Variants in SNCAIP observed in about 807,000 individuals in gnomAD.
SNCAIP encodes the protein synuclein alpha interacting protein.
In SNCAIP, 43 loss-of-function variants were observed where a neutral mutation model predicts 86.7. That is an observed-to-expected ratio of 0.50 (90% CI 0.39 to 0.64). The LOEUF is 0.64. Ranked by LOEUF, SNCAIP falls within the 30% of genes least tolerant of loss-of-function variation. The pLI is 0.00. For synonymous variants in SNCAIP, 417 were observed against 427.2 expected (o/e 0.98, Z 0.29); for missense variants, 981 against 1,103.1 (o/e 0.89, Z 1.57).
At chr5:122,462,035 C>A (rs1429471880) in intron 10 of SNCAIP, among the ~76,000 whole-genome samples, 1 of 152,210 alleles carries the variant, frequency 6.6e-6, no homozygotes, top group Non-Finnish European at 1.5e-5. Context: ...GTATCTTTAT[C>A]TTCCTTTTTA....
At chr5:122,417,002 G>A (rs1461794586) in intron 3 of SNCAIP, among the ~76,000 whole-genome samples, 3 of 152,078 alleles carry the variant, frequency 2.0e-5, no homozygotes, top group Admixed American at 6.6e-5. Flanking sequence ...AAACAGTAGG[G>A]GAACACTACT....
intron 5 of SNCAIP, among the ~76,000 whole-genome samples, chr5:122,430,016 C>G (rs1160101562): frequency 6.6e-6 from 1 of 152,136 alleles, no homozygotes; most frequent in African/African-American, 2.4e-5. Context: ...AGGGAGCCAA[C>G]TCATTCAGAA....
chr5:122,415,635 C>A (rs1775147455), intron 3 of SNCAIP, among the ~76,000 whole-genome samples: 1 of 152,180 alleles, frequency 6.6e-6, no homozygotes, highest in Non-Finnish European at 1.5e-5. Flanking sequence ...TTCTCTCTTA[C>A]CAAGGAGCAG....
At chr5:122,313,491 A>T (rs914157480) in intron 1 of SNCAIP, among the ~76,000 whole-genome samples, 1 of 152,280 alleles carries the variant, frequency 6.6e-6, no homozygotes, top group Non-Finnish European at 1.5e-5. Context: ...TTCGTTGCTG[A>T]ATCTGTAGGA....
chr5:122,343,546 A>G (rs1758003866), intron 1 of SNCAIP, among the ~76,000 whole-genome samples: 1 of 152,200 alleles, frequency 6.6e-6, no homozygotes, highest in African/African-American at 2.4e-5. Context: ...AATGTTTTGT[A>G]AATGAATCAT....
intron 1 of SNCAIP, among the ~76,000 whole-genome samples, chr5:122,381,737 G>A (rs2152817551): frequency 6.6e-6 from 1 of 151,970 alleles, no homozygotes; most frequent in African/African-American, 2.4e-5. Flanking sequence ...GGCAGGCCTG[G>A]TGGTGACAAA....
chr5:122,403,367 G>C (rs533195296), intron 2 of SNCAIP, among the ~76,000 whole-genome samples: 12 of 152,114 alleles, frequency 7.9e-5, no homozygotes, highest in Non-Finnish European at 1.5e-4. Flanking sequence ...TGACTGCCCC[G>C]GATGCTGCAG....
chr5:122,333,652 T>G (rs1755830221), intron 1 of SNCAIP, among the ~76,000 whole-genome samples: 1 of 152,218 alleles, frequency 6.6e-6, no homozygotes. Context: ...AACTACATCT[T>G]ATATTCTGAT....
At chr5:122,401,990 A>G (rs1771919509) in intron 2 of SNCAIP, among the ~76,000 whole-genome samples, 1 of 152,206 alleles carries the variant, frequency 6.6e-6, no homozygotes, top group African/African-American at 2.4e-5. Context: ...GATATATATC[A>G]TTAAGCCCAG....
chr5:122,324,389 C>T (rs1289852880), intron 1 of SNCAIP, among the ~76,000 whole-genome samples: 1 of 152,128 alleles, frequency 6.6e-6, no homozygotes, highest in African/African-American at 2.4e-5. Context: ...TTTTACTTGC[C>T]CTGTGGATAA....
chr5:122,415,850 A>G (rs970299922), intron 3 of SNCAIP, among the ~76,000 whole-genome samples: 1 of 152,222 alleles, frequency 6.6e-6, no homozygotes, highest in Non-Finnish European at 1.5e-5. Context: ...AGGGAGGGAA[A>G]GAAGGAAAGG....
intron 10 of SNCAIP, chr5:122,451,886 G>A: frequency 2.8e-6 from 1 of 361,744 alleles, no homozygotes; most frequent in Non-Finnish European, 5.0e-6. Flanking sequence ...ATCTTTAGGT[G>A]TTAGGGTCCT....
At chr5:122,447,114 T>A (rs1561793285) in intron 8 of SNCAIP, among the ~76,000 whole-genome samples, 1 of 152,124 alleles carries the variant, frequency 6.6e-6, no homozygotes, top group Non-Finnish European at 1.5e-5. Flanking sequence ...CCCGTAAACA[T>A]GAAGGCAGGG....
chr5:122,451,148 G>A lies in SNCAIP; in HGVS notation c.2301G>A (p.Gly767=), dbSNP rs1268965990. The A allele has an allele frequency of 4.3e-6, 7 of 1,613,974 alleles. No homozygotes were observed. In the East Asian group the frequency reaches 1.3e-4, roughly 31 times the overall value. Residue 767 remains glycine (G), a synonymous_variant, in exon 10 of 11, where the codon GGG becomes GGA. Coordinates refer to ENST00000261368, the MANE Select transcript of SNCAIP (RefSeq NM_005460.4). ...PDLESQYPGS[G]SIPPNQPSGD... ...TAGAATCCCAGTATCCAGGCTCAGG[G>A]AGTATTCCTCCAAACCAGCCCTCTG...
chr5:122,314,229 G>A (rs765059114), intron 1 of SNCAIP, among the ~76,000 whole-genome samples: 19 of 152,152 alleles, frequency 1.2e-4, no homozygotes, highest in South Asian at 2.1e-4. Context: ...CTGCTCTTAA[G>A]GGAAACCCAC....
chr5:122,423,463 G>A lies in SNCAIP; in HGVS notation c.726G>A (p.Leu242=), dbSNP rs1293833963. Residue 242 remains leucine, a synonymous_variant, in exon 4 of 11, where the codon CTG becomes CTA. Transcript: ENST00000261368. ...STEETEISPP[L]VKCGSAYEPE... is the part of the protein sequence containing the mutation. ...AAGAAACCGAGATCTCACCTCCTCTGGTTAAATGTGGCTCTGCATATGAGC... is the reference window on the plus strand; with the variant it reads ...AAGAAACCGAGATCTCACCTCCTCTAGTTAAATGTGGCTCTGCATATGAGC... The A allele has an allele frequency of 6.2e-6, 10 of 1,614,178 alleles. No individual in the cohort carries two copies. Among genetic ancestry groups the A allele is most frequent in the Non-Finnish European group, 8.5e-6 (10 of 1,180,014 alleles).
chr5:122,332,077 G>A (rs1755469684), intron 1 of SNCAIP, among the ~76,000 whole-genome samples: 1 of 152,156 alleles, frequency 6.6e-6, no homozygotes, highest in Admixed American at 6.5e-5. Flanking sequence ...CTTGTTGACT[G>A]AAAACACATA....
intron 1 of SNCAIP, among the ~76,000 whole-genome samples, chr5:122,335,802 T>TATTGAATGAATAC (rs1230781892): frequency 2.0e-5 from 3 of 152,188 alleles, no homozygotes; most frequent in African/African-American, 7.2e-5. Flanking sequence ...GCCATCCAGT[T>TATTGAATGAATAC]ATTGAATGAA....
At chr5:122,353,734 C>T (rs1224803692) in intron 1 of SNCAIP, among the ~76,000 whole-genome samples, 3 of 152,164 alleles carry the variant, frequency 2.0e-5, no homozygotes, top group Non-Finnish European at 2.9e-5. Flanking sequence ...TGCCTTCTGC[C>T]ATAATTGTGA....
Sources: allele counts gnomAD v4.1 joint callset (sites outside exome capture counted in the v4.1 genomes callset), GRCh38; gene constraint gnomAD v4.1.1; transcripts MANE v1.5; gene names NCBI Gene and HGNC (gene_info 2026-07-23, HGNC 2026-07-21).